Variants in RBFOX1 observed in about 807,000 individuals in gnomAD.
RBFOX1 encodes RNA binding protein fox-1 homolog 1.
Under a neutral mutation model 57.7 loss-of-function variants are expected in RBFOX1, and 8 were observed. The observed-to-expected ratio is 0.14, with a 90% CI of 0.08 to 0.25. The LOEUF is 0.25. Ranked by LOEUF, RBFOX1 falls within the 10% of genes least tolerant of loss-of-function variation. RBFOX1 has a pLI of 1.00. For synonymous variants in RBFOX1, 326 were observed against 222.4 expected, an observed-to-expected ratio of 1.47 and a Z score of -4.15; for missense variants, 611 against 548.5, an observed-to-expected ratio of 1.11 and a Z score of -1.14.
At chr16:7,122,114 G>A (rs990488637) in intron 4 of RBFOX1, among the ~76,000 whole-genome samples, 5 of 152,028 alleles carry the variant, frequency 3.3e-5, no homozygotes, top group Non-Finnish European at 2.9e-5. Flanking sequence ...TTTTGGCCAT[G>A]ACACCAAATG....
chr16:7,651,369 A>G (rs970802901), intron 11 of RBFOX1, among the ~76,000 whole-genome samples: 5 of 152,194 alleles, frequency 3.3e-5, no homozygotes, highest in African/African-American at 1.2e-4. Context: ...AAGTACAAAC[A>G]TACCCTATCT....
chr16:6,170,950 A>G (rs976805484), intron 1 of RBFOX1, among the ~76,000 whole-genome samples: 7 of 152,174 alleles, frequency 4.6e-5, no homozygotes, highest in Admixed American at 2.0e-4. Flanking sequence ...ATAGTATTCC[A>G]TGGTATATAT....
intron 10 of RBFOX1, among the ~76,000 whole-genome samples, chr16:7,626,551 T>G (rs2060101626): frequency 6.6e-6 from 1 of 152,142 alleles, no homozygotes; most frequent in Non-Finnish European, 1.5e-5. Flanking sequence ...TGGAGCCAAA[T>G]GTCTGCCAGG....
chr16:6,960,409 C>A (rs111843059), intron 3 of RBFOX1, among the ~76,000 whole-genome samples: 1,711 of 152,158 alleles, frequency 0.011, 33 homozygotes, highest in African/African-American at 0.039. Context: ...GTGATATTTC[C>A]CAGGCCTTCT....
At chr16:7,490,545 T>TATCA (rs1376842863) in intron 4 of RBFOX1, among the ~76,000 whole-genome samples, 2 of 152,264 alleles carry the variant, frequency 1.3e-5, no homozygotes, top group African/African-American at 2.4e-5. Context: ...CATTTTCATC[T>TATCA]ATCAATGGAA....
chr16:7,060,925 G>C (rs2054044711), intron 4 of RBFOX1, among the ~76,000 whole-genome samples: 1 of 152,104 alleles, frequency 6.6e-6, no homozygotes, highest in Non-Finnish European at 1.5e-5. Context: ...ATTAGCTCAG[G>C]GGTTAGCAGA....
chr16:6,684,152 G>T (rs1018686054), intron 3 of RBFOX1, among the ~76,000 whole-genome samples: 1 of 152,126 alleles, frequency 6.6e-6, no homozygotes, highest in Non-Finnish European at 1.5e-5. Context: ...TGCTTTTATG[G>T]TTCGACTTTA....
intron 2 of RBFOX1, among the ~76,000 whole-genome samples, chr16:6,388,407 GA>G (rs1377653662): frequency 6.6e-6 from 1 of 152,146 alleles, no homozygotes; most frequent in Non-Finnish European, 1.5e-5. Flanking sequence ...AGAAAGAAAT[GA>G]AGACCAAGGT....
rs150814217 is a variant in RBFOX1, at chr16:7,665,086, A to G, written c.930+118A>G. 73 of 1,592,352 alleles carry G rather than the reference A, an allele frequency of 4.6e-5. 1 individual carries two copies. The East Asian group carries it at 1.6e-3, about 36-fold the overall frequency. The stretch of plus-strand genomic sequence containing the variant: ...GAGTTTCTCTCCTTGGTCTGTAGGA[A>G]ATAATTCCGTGGTTTGTCTTGCAGG... On this transcript the variant is annotated intron_variant, in intron 13 of 15. Coordinates refer to ENST00000550418, the MANE Select transcript of RBFOX1 (RefSeq NM_018723.4).
intron 4 of RBFOX1, among the ~76,000 whole-genome samples, chr16:7,274,005 C>A (rs1258457114): frequency 6.6e-6 from 1 of 152,158 alleles, no homozygotes; most frequent in Non-Finnish European, 1.5e-5. Context: ...AAGGACCCTC[C>A]TTTCCACTAA....
At chr16:5,667,576 A>G (rs2151406396) in intron 3 of RBFOX1, among the ~76,000 whole-genome samples, 1 of 152,362 alleles carries the variant, frequency 6.6e-6, no homozygotes, top group East Asian at 1.9e-4. Context: ...GGCCTGTACT[A>G]GAAGTGTACT....
chr16:7,481,878 G>C (rs11865295), intron 4 of RBFOX1, among the ~76,000 whole-genome samples: 1 of 151,962 alleles, frequency 6.6e-6, no homozygotes, highest in African/African-American at 2.4e-5. Context: ...ATCTAACACA[G>C]AGGCTATCTT....
intron 3 of RBFOX1, among the ~76,000 whole-genome samples, chr16:6,964,381 C>G (rs1271092854): frequency 6.6e-6 from 1 of 152,090 alleles, no homozygotes. Flanking sequence ...GGATCTGTGT[C>G]GTTATATATT....
intron 1 of RBFOX1, among the ~76,000 whole-genome samples, chr16:6,027,996 C>T (rs776890645): frequency 9.2e-5 from 14 of 152,086 alleles, no homozygotes; most frequent in African/African-American, 2.2e-4. Context: ...TGAAAAGTGA[C>T]GGAGCAGGGG....
intron 4 of RBFOX1, among the ~76,000 whole-genome samples, chr16:7,486,088 G>A (rs1221688075): frequency 6.8e-6 from 1 of 147,792 alleles, no homozygotes; most frequent in Non-Finnish European, 1.5e-5. Context: ...ACTTCACTGT[G>A]CTGTCTGTGG....
At chr16:6,600,602 C>A (rs975208230) in intron 2 of RBFOX1, among the ~76,000 whole-genome samples, 1 of 152,136 alleles carries the variant, frequency 6.6e-6, no homozygotes, top group Non-Finnish European at 1.5e-5. Context: ...ACAAACCTGC[C>A]ATCATTTCTG....
At chr16:7,699,909 G>A (rs957667863) in intron 14 of RBFOX1, among the ~76,000 whole-genome samples, 3 of 152,148 alleles carry the variant, frequency 2.0e-5, no homozygotes, top group African/African-American at 7.2e-5. Context: ...GGAGGTGGGG[G>A]ATGTTCACCA....
chr16:7,172,677 C>T (rs1308917803), intron 4 of RBFOX1, among the ~76,000 whole-genome samples: 1 of 152,176 alleles, frequency 6.6e-6, no homozygotes, highest in Non-Finnish European at 1.5e-5. Context: ...CAGCACAAGG[C>T]TGAAAGCAGG....
chr16:7,615,759 C>T lies in RBFOX1; in HGVS notation c.676+8421C>T, dbSNP rs566781722. Among the ~76,000 whole-genome samples the T allele has an allele frequency of 3.3e-5, 5 of 152,244 alleles. No individual in the cohort carries two copies. In the South Asian group the frequency reaches 1.0e-3, roughly 32 times the overall value. ...ATTGGGGAGTGTTGTTCACTGCTGA[C>T]ATCTAGTGGGTGGAGGCCAAGGACG... is the stretch of plus-strand genomic sequence containing the variant. On this transcript the variant is annotated intron_variant, in intron 10 of 15. Coordinates refer to ENST00000550418, the MANE Select transcript of RBFOX1 (RefSeq NM_018723.4).
Sources: gnomAD v4.1 joint callset for allele counts (sites outside exome capture counted in the v4.1 genomes callset) on GRCh38, gnomAD v4.1.1 for gene constraint, MANE v1.5 for transcripts, NCBI Gene and HGNC (gene_info 2026-07-23, HGNC 2026-07-21) for gene names.